Variants in PRKN observed in about 807,000 individuals in gnomAD.
The protein encoded by PRKN is parkin RBR E3 ubiquitin protein ligase.
Under a neutral mutation model 59.5 loss-of-function variants are expected in PRKN, and 56 were observed. The observed-to-expected ratio is 0.94, with a 90% CI of 0.76 to 1.18. The LOEUF (loss-of-function observed/expected upper bound fraction) is 1.18, where lower values mean the gene tolerates loss of function less well. Among genes scored for constraint, PRKN ranks in the 50% most tolerant of loss-of-function variants. PRKN has a pLI of 0.00. For missense variants in PRKN, 657 were observed against 596.4 expected (o/e 1.10, Z -1.06); for synonymous variants, 250 against 222.1 (o/e 1.13, Z -1.12).
rs1786772269 is a variant in PRKN, at chr6:161,396,646, A to G, written c.1084-9769T>C. Among the ~76,000 whole-genome samples the G allele has an allele frequency of 6.6e-6, 1 of 152,192 alleles. No individual in the cohort carries two copies. The highest frequency in any genetic ancestry group is 2.1e-4 in the South Asian group (1 of 4,830). ...AATCCTCGTGACCTTATCATTTACA[A>G]TCTGCAGCAAGGCACTAGACTCTGT... On this transcript the variant is annotated intron_variant, in intron 9 of 11. Transcript: ENST00000366898. The surrounding 1 kb of genome is among the most constrained non-coding windows in gnomAD (Gnocchi z 5.4).
chr6:162,144,547 T>G (rs2128311788), intron 4 of PRKN, among the ~76,000 whole-genome samples: 1 of 152,296 alleles, frequency 6.6e-6, no homozygotes, highest in African/African-American at 2.4e-5. Flanking sequence ...GGGAGCTGGC[T>G]TCCCTACAAT....
chr6:162,031,500 G>A (rs1185049800), intron 5 of PRKN, among the ~76,000 whole-genome samples: 1 of 151,052 alleles, frequency 6.6e-6, no homozygotes, highest in Non-Finnish European at 1.5e-5. Context: ...TATTCAAAAG[G>A]CTGCCAAAAG....
At chr6:162,143,637 T>C (rs1406456496) in intron 4 of PRKN, among the ~76,000 whole-genome samples, 1 of 152,206 alleles carries the variant, frequency 6.6e-6, no homozygotes, top group African/African-American at 2.4e-5. Context: ...ACAAGATACA[T>C]TTGAAGAAAA....
intron 7 of PRKN, among the ~76,000 whole-genome samples, chr6:161,687,020 T>A (rs1785582878): frequency 6.6e-6 from 1 of 152,172 alleles, no homozygotes; most frequent in Admixed American, 6.5e-5. Context: ...GAAAAAGTGT[T>A]CCATTGAATG....
At chr6:162,079,264 G>C (rs530403166) in intron 4 of PRKN, among the ~76,000 whole-genome samples, 1 of 152,086 alleles carries the variant, frequency 6.6e-6, no homozygotes, top group Non-Finnish European at 1.5e-5. Context: ...AAGCAAGGAC[G>C]ATAGTTGGGA....
chr6:161,513,584 T>C (rs1336310451), intron 9 of PRKN, among the ~76,000 whole-genome samples: 1 of 150,878 alleles, frequency 6.6e-6, no homozygotes, highest in Non-Finnish European at 1.5e-5. Context: ...ACAAGATAAA[T>C]TTTTGAAGGT....
chr6:162,575,957 T>C (rs1780539377), intron 1 of PRKN, among the ~76,000 whole-genome samples: 1 of 152,174 alleles, frequency 6.6e-6, no homozygotes, highest in South Asian at 2.1e-4. Flanking sequence ...TCTGTAGCCA[T>C]AAAACCTGGG....
At chr6:162,710,623 T>C (rs1778501687) in intron 1 of PRKN, among the ~76,000 whole-genome samples, 1 of 152,140 alleles carries the variant, frequency 6.6e-6, no homozygotes, top group Non-Finnish European at 1.5e-5. Flanking sequence ...TATTCAATTC[T>C]ATAATAAGAA....
At chr6:162,284,214 T>C (rs1309723689) in intron 2 of PRKN, among the ~76,000 whole-genome samples, 1 of 131,426 alleles carries the variant, frequency 7.6e-6, no homozygotes, top group Non-Finnish European at 1.6e-5. Flanking sequence ...GTTATTTCTT[T>C]CTTTTTTTTT....
intron 7 of PRKN, among the ~76,000 whole-genome samples, chr6:161,756,973 A>T (rs1193318319): frequency 1.3e-5 from 2 of 152,214 alleles, no homozygotes; most frequent in African/African-American, 4.8e-5. Flanking sequence ...CAAAGGTGCA[A>T]GATCAGTTCA....
At chr6:162,502,594 A>G (rs1267690665) in intron 1 of PRKN, among the ~76,000 whole-genome samples, 1 of 146,918 alleles carries the variant, frequency 6.8e-6, no homozygotes, top group East Asian at 1.9e-4. Flanking sequence ...GAATAATTAC[A>G]ATTCATTATG....
chr6:162,327,362 T>C (rs1191155787), intron 2 of PRKN, among the ~76,000 whole-genome samples: 1 of 152,162 alleles, frequency 6.6e-6, no homozygotes, highest in African/African-American at 2.4e-5. Context: ...TTATTTTTGT[T>C]TTTTGAAAAA....
chr6:161,963,632 T>G (rs552329267), intron 6 of PRKN, among the ~76,000 whole-genome samples: 14 of 152,362 alleles, frequency 9.2e-5, no homozygotes, highest in South Asian at 2.1e-4. Context: ...AAATCTCCAT[T>G]GATTTCTGAC....
intron 7 of PRKN, among the ~76,000 whole-genome samples, chr6:161,680,773 A>AT (rs1486863145): frequency 2.1e-3 from 41 of 19,668 alleles, no homozygotes; most frequent in Admixed American, 3.9e-3. Context: ...ATATATATAT[A>AT]TATTTTTTTT....
intron 2 of PRKN, among the ~76,000 whole-genome samples, chr6:162,267,644 C>T (rs1477361987): frequency 6.6e-6 from 1 of 152,162 alleles, no homozygotes; most frequent in African/African-American, 2.4e-5. Context: ...ACAAATTCTT[C>T]AGTGTAGACA....
chr6:162,572,940 C>A (rs1055324969), intron 1 of PRKN, among the ~76,000 whole-genome samples: 22 of 152,184 alleles, frequency 1.4e-4, no homozygotes, highest in African/African-American at 5.3e-4. Context: ...GTGTGTCACC[C>A]CCTGTCATTA....
In PRKN at chr6:161,588,254, C is replaced by T. The variant is rs982884222; in HGVS notation, c.872-18838G>A. On this transcript the variant is annotated intron_variant, in intron 7 of 11. Transcript: ENST00000366898. The surrounding 1 kb of genome is among the most constrained non-coding windows in gnomAD (Gnocchi z 5.0). ...CAAAAATCAGCCAGGCGTGGTGGCT[C>T]ATGCCTATAATCCCAGCTACCTGGG... Among the ~76,000 whole-genome samples the T allele has an allele frequency of 7.9e-5, 12 of 152,028 alleles. No individual in the cohort carries two copies. The highest frequency in any genetic ancestry group is 2.9e-4 in the African/African-American group (12 of 41,398).
At chr6:162,646,439 A>G (rs1778190481) in intron 1 of PRKN, among the ~76,000 whole-genome samples, 1 of 151,672 alleles carries the variant, frequency 6.6e-6, no homozygotes, top group African/African-American at 2.4e-5. Context: ...TGCTTGGCTA[A>G]TTTTTTTATT....
chr6:161,692,122 T>C (rs895084646), intron 7 of PRKN, among the ~76,000 whole-genome samples: 1 of 152,192 alleles, frequency 6.6e-6, no homozygotes, highest in Non-Finnish European at 1.5e-5. Context: ...AACTTGAATA[T>C]CGGTGTGGGT....
Sources: gnomAD v4.1 joint callset for allele counts (sites outside exome capture counted in the v4.1 genomes callset) on GRCh38, gnomAD v4.1.1 for gene constraint, Gnocchi (gnomAD v3.1) non-coding constraint, MANE v1.5 for transcripts, NCBI Gene and HGNC (gene_info 2026-07-23, HGNC 2026-07-21) for gene names.